Variants in IFT172 observed in about 807,000 individuals in gnomAD.
IFT172 encodes intraflagellar transport protein 172 homolog.
Under a neutral mutation model 248.9 loss-of-function variants are expected in IFT172, and 164 were observed. The observed-to-expected ratio is 0.66, with a 90% CI of 0.58 to 0.75. The LOEUF is 0.75. Among genes scored for constraint, IFT172 ranks in the 30% least tolerant of loss-of-function variants. IFT172 has a pLI of 0.00. For missense variants in IFT172, 1,950 were observed against 2,192.4 expected (o/e 0.89, Z 2.21); for synonymous variants, 729 against 791.6 (o/e 0.92, Z 1.33).
At chr2:27,468,856 A>T (rs1667331323) in intron 16 of IFT172, among the ~76,000 whole-genome samples, 1 of 151,528 alleles carries the variant, frequency 6.6e-6, no homozygotes, top group Non-Finnish European at 1.5e-5. Context: ...CTCAAAAAAA[A>T]AAAAAGAAAA....
At chr2:27,447,424 C>G in intron 42 of IFT172, 91 bp downstream of exon 42, 1 of 1,521,184 alleles carries the variant, frequency 6.6e-7, no homozygotes, top group Non-Finnish European at 8.9e-7. Context: ...AGAGCCCAAG[C>G]TGAAGAATCC....
rs1353414933 is a variant in IFT172, at chr2:27,445,537, C to T, written c.4915-88G>A. 7.6e-6 allele frequency: 11 copies of T among 1,451,970 alleles called. No homozygotes were observed. The highest frequency in any genetic ancestry group is 6.5e-5 in the Admixed American group (3 of 46,412). 89.9% of individuals were successfully genotyped at this position (1,451,970 alleles called of 1,614,324 possible). On this transcript the variant is annotated intron_variant, in intron 45 of 47. Transcript: ENST00000260570. The surrounding 1 kb of genome is among the most constrained non-coding windows in gnomAD (Gnocchi z 4.4). Reference sequence around the variant, plus strand: ...ATGGGTGAGGAGGGGGTTTGCTAAGCCCTCATCCTGTATACCAGCTTTTAG... The same window carrying T: ...ATGGGTGAGGAGGGGGTTTGCTAAGTCCTCATCCTGTATACCAGCTTTTAG...
At chr2:27,486,896 A>G (rs1231096506) in intron 1 of IFT172, among the ~76,000 whole-genome samples, 1 of 151,300 alleles carries the variant, frequency 6.6e-6, no homozygotes, top group East Asian at 1.9e-4. Flanking sequence ...CTGTCTTTTT[A>G]TTTTTTTCTC....
chr2:27,457,612 T>C lies in IFT172; in HGVS notation c.3228+27A>G, dbSNP rs200499080. 1.5e-5 allele frequency: 23 copies of C among 1,564,650 alleles called. No individual in the cohort carries two copies. The East Asian group carries it at 4.9e-4, about 34-fold the overall frequency. The stretch of plus-strand genomic sequence containing the variant: ...AACGTGGGAAAGAAGGATGGATGTA[T>C]CCCTCAGTGTGGCCTGAACTCCTTA... On this transcript the variant is annotated intron_variant, in intron 29 of 47. Transcript: ENST00000260570.
chr2:27,458,447 A>G (rs1357783729), intron 26 of IFT172, among the ~76,000 whole-genome samples: 3 of 152,112 alleles, frequency 2.0e-5, no homozygotes, highest in African/African-American at 7.2e-5. Context: ...GCTGGGGCAT[A>G]CACTCCCATT....
At position 27,489,601 on chromosome 2, in the gene IFT172, A is replaced by G; in HGVS notation, c.39+14T>C. Reference sequence around the variant, plus strand: ...TAAAGCATAAGGGGGAGGGACTGGCACGCAATTCCTCACCTGAGGGCTCAG... The same window carrying G: ...TAAAGCATAAGGGGGAGGGACTGGCGCGCAATTCCTCACCTGAGGGCTCAG... On this transcript the variant is annotated intron_variant, in intron 1 of 47. Coordinates refer to ENST00000260570, the MANE Select transcript of IFT172 (RefSeq NM_015662.3). 6.2e-7 allele frequency: 1 copy of G among 1,605,066 alleles called. No individual in the cohort carries two copies. Among genetic ancestry groups the G allele is most frequent in the Middle Eastern group, 1.7e-4 (1 of 6,032 alleles).
chr2:27,462,183 C>T (rs546913336), intron 20 of IFT172, among the ~76,000 whole-genome samples: 78 of 152,264 alleles, frequency 5.1e-4, no homozygotes, highest in African/African-American at 1.8e-3. Flanking sequence ...CAGGCGTGTG[C>T]CACCACTCCT....
At chr2:27,477,706 T>C (rs1179862695) in intron 11 of IFT172, 94 bp from the exon 12 acceptor site, 1 of 961,314 alleles carries the variant, frequency 1.0e-6, no homozygotes, top group East Asian at 2.4e-5. Context: ...TGGAAAGATA[T>C]ATTTATGTAG....
At chr2:27,465,980 C>G (rs1040661710) in intron 16 of IFT172, 98 bp from the exon 17 acceptor site, 34 of 1,387,942 alleles carry the variant, frequency 2.4e-5, no homozygotes, top group Middle Eastern at 3.7e-4. Flanking sequence ...AGTCAGTGGT[C>G]AAGAGAGTCA....
chr2:27,459,576 G>A, intron 24 of IFT172, 54 bp from the exon 25 acceptor site: 1 of 1,607,886 alleles, frequency 6.2e-7, no homozygotes, highest in East Asian at 2.2e-5. Flanking sequence ...AAGATGAATG[G>A]AGGTAAAAGG....
chr2:27,465,427 G>A lies in IFT172; in HGVS notation c.1921C>T (p.Leu641=). The stretch of plus-strand genomic sequence containing the variant: ...CTACCTCACCTCTCCGCAATGTGTA[G>A]TTGCCTTGCCTCTAGTGCCAGTTTA... The part of the protein sequence containing the change: ...LSKLALEARQ[L]HIAERCFSAL... The change falls in exon 18 of 48, where the codon CTA becomes TTA. Residue 641 remains leucine, a synonymous_variant. Coordinates refer to ENST00000260570, the MANE Select transcript of IFT172 (RefSeq NM_015662.3). 1 of 1,614,024 alleles carries A rather than the reference G, an allele frequency of 6.2e-7. No individual in the cohort carries two copies. Among genetic ancestry groups the A allele is most frequent in the Middle Eastern group, 1.6e-4 (1 of 6,062 alleles).
At chr2:27,450,204 C>T (rs1489404622) in intron 35 of IFT172, 108 bp from the exon 36 acceptor site, 1 of 790,806 alleles carries the variant, frequency 1.3e-6, no homozygotes, top group Non-Finnish European at 2.1e-6. Flanking sequence ...AACTTTTTCT[C>T]TTACTCTCCC....
In IFT172 at chr2:27,479,584, C is replaced by T; in HGVS notation, c.930G>A (p.Val310=). The part of the protein sequence containing the change: ...RLCVGTLCGG[V]EQFDCCLRRS... ...TTCGGAGGCAGCAGTCAAACTGTTC[C>T]ACCCCACCACATAGTGTGCCCTAGA... Residue 310 remains valine, a synonymous_variant, in exon 10 of 48, where the codon GTG becomes GTA. Transcript: ENST00000260570. The T allele has an allele frequency of 6.2e-7, 1 of 1,611,708 alleles. No homozygotes were observed. Among genetic ancestry groups the T allele is most frequent in the Non-Finnish European group, 8.5e-7 (1 of 1,177,862 alleles).
intron 30 of IFT172, among the ~76,000 whole-genome samples, chr2:27,456,214 A>C (rs1572745609): frequency 6.6e-6 from 1 of 152,148 alleles, no homozygotes; most frequent in East Asian, 1.9e-4. Flanking sequence ...TGTCTCAAAA[A>C]AAAAAACAGT....
chr2:27,480,985 C>T lies in IFT172; in HGVS notation c.785+61G>A, dbSNP rs573242423. The T allele has an allele frequency of 5.9e-6, 8 of 1,366,178 alleles. No individual in the cohort carries two copies. In the African/African-American group the frequency reaches 1.1e-4, roughly 19 times the overall value. The allele number at this position is 1,366,178 out of a possible 1,614,324, so 84.6% of individuals were successfully genotyped here. A position where few individuals can be genotyped will look rare whatever the true frequency, so the allele number is the denominator to read the frequency against. On this transcript the variant is annotated intron_variant, in intron 8 of 47. Coordinates refer to ENST00000260570, the MANE Select transcript of IFT172 (RefSeq NM_015662.3). ...CGCACTCTGGCTCAGAATAATTTGG[C>T]TAAAGCAGAGAGTGTTCGCAGGGAA... is the stretch of plus-strand genomic sequence containing the variant.
rs147885790 is a variant in IFT172 at position 27,465,781 on chromosome 2, C to T, written c.1794G>A (p.Glu598=). 2 of 1,614,032 alleles carry T rather than the reference C, an allele frequency of 1.2e-6. No individual in the cohort carries two copies. The highest frequency in any genetic ancestry group is 1.3e-5 in the African/African-American group (1 of 74,912). ...VAYTLDEGLI[E]FGTAIDDGNY... ...TGCCATCATCAATGGCTGTTCCAAA[C>T]TCGATGAGGCCCTCATCCAATGTGT... The change falls in exon 17 of 48, where the codon GAG becomes GAA. Residue 598 remains glutamate, a synonymous_variant. Coordinates refer to ENST00000260570, the MANE Select transcript of IFT172 (RefSeq NM_015662.3).
intron 23 of IFT172, 119 bp from the exon 24 acceptor site, chr2:27,459,948 G>T: frequency 7.4e-7 from 1 of 1,351,386 alleles, no homozygotes; most frequent in Non-Finnish European, 1.0e-6. Flanking sequence ...GAGGACTGGA[G>T]CCAGGCATCC....
At chr2:27,458,663 G>C (rs1572753548) in intron 26 of IFT172, 116 bp downstream of exon 26, 2 of 1,180,404 alleles carry the variant, frequency 1.7e-6, no homozygotes, top group African/African-American at 1.5e-5. Context: ...ACTGTTTTTT[G>C]GTACTCTTTG....
chr2:27,486,422 T>C (rs1369138030), intron 1 of IFT172, among the ~76,000 whole-genome samples: 1 of 152,262 alleles, frequency 6.6e-6, no homozygotes, highest in Non-Finnish European at 1.5e-5. Context: ...ACACTAGCTC[T>C]GGTCCTAAGG....
Sources: allele counts gnomAD v4.1 joint callset (sites outside exome capture counted in the v4.1 genomes callset), GRCh38; gene constraint gnomAD v4.1.1; non-coding constraint Gnocchi (gnomAD v3.1); transcripts MANE v1.5; gene names NCBI Gene and HGNC (gene_info 2026-07-23, HGNC 2026-07-21).